Variants in AGAP1 observed in about 807,000 individuals in gnomAD.
AGAP1 encodes the protein arf-GAP with GTPase, ANK repeat and PH domain-containing protein 1.
A neutral mutation model predicts 105.3 loss-of-function variants in AGAP1; 29 were observed. The observed-to-expected ratio is 0.28, with a 90% CI of 0.21 to 0.38. AGAP1 has a LOEUF of 0.38. Among genes scored for constraint, AGAP1 ranks in the 10% least tolerant of loss-of-function variants. The pLI is 1.00. For synonymous variants in AGAP1, 509 were observed against 485.9 expected (o/e 1.05, Z -0.63); for missense variants, 998 against 1,165.1 (o/e 0.86, Z 2.09).
Position 235,891,578 on chromosome 2 carries a change from C to T in AGAP1, c.1155+8129C>T, listed in dbSNP as rs2050541688. On this transcript the variant is annotated intron_variant, in intron 10 of 17. Transcript: ENST00000304032. The surrounding 1 kb of genome is among the most constrained non-coding windows in gnomAD (Gnocchi z 4.2). ...TCAGGGCTTCACAGTTCAGCGTGGC[C>T]ACCTATTCATCTTCCATGTCGCAAG... 6.6e-6 allele frequency among the ~76,000 whole-genome samples: 1 copy of T among 152,128 alleles called. No individual in the cohort carries two copies. Among genetic ancestry groups the T allele is most frequent in the African/African-American group, 2.4e-5 (1 of 41,442 alleles).
chr2:235,863,362 A>G (rs549186915), intron 9 of AGAP1, among the ~76,000 whole-genome samples: 14 of 152,388 alleles, frequency 9.2e-5, no homozygotes, highest in Non-Finnish European at 1.9e-4. Flanking sequence ...TATTTAACCT[A>G]GTATATCCAG....
intron 13 of AGAP1, among the ~76,000 whole-genome samples, chr2:236,030,175 G>A (rs1219955313): frequency 6.6e-6 from 1 of 152,154 alleles, no homozygotes; most frequent in Non-Finnish European, 1.5e-5. Flanking sequence ...CTTGATATTT[G>A]TTTAAGAGCA....
chr2:235,855,573 T>C lies in AGAP1; in HGVS notation c.1051-27772T>C, dbSNP rs1395825884. Reference sequence around the variant, plus strand: ...CAATTTCTGCTTTAAATATAGGGTATCATTCTTTCCTTTAGATTCGTTGCC... The same window carrying C: ...CAATTTCTGCTTTAAATATAGGGTACCATTCTTTCCTTTAGATTCGTTGCC... On this transcript the variant is annotated intron_variant, in intron 9 of 17. Coordinates refer to ENST00000304032, the MANE Select transcript of AGAP1 (RefSeq NM_001037131.3). This position sits in a 1 kb window ranked among gnomAD's most constrained non-coding sequence, Gnocchi z 5.0. Among the ~76,000 whole-genome samples, 1 of 152,216 alleles carries C rather than the reference T, an allele frequency of 6.6e-6. No homozygotes were observed. The highest frequency in any genetic ancestry group is 1.5e-5 in the Non-Finnish European group (1 of 68,042).
At position 235,751,242 on chromosome 2, in the gene AGAP1, C is replaced by T. The variant is rs1182831958; in HGVS notation, c.673+754C>T. On this transcript the variant is annotated intron_variant, in intron 6 of 17. Transcript: ENST00000304032. This position sits in a 1 kb window ranked among gnomAD's most constrained non-coding sequence, Gnocchi z 5.3. The stretch of plus-strand genomic sequence containing the variant: ...GGTCTGGGGTAAATAAGGACTGATA[C>T]TTCTAAAGCCAGTCTTTTCAAGTTG... 2.0e-5 allele frequency among the ~76,000 whole-genome samples: 3 copies of T among 152,212 alleles called. No homozygotes were observed. The highest frequency in any genetic ancestry group is 7.2e-5 in the African/African-American group (3 of 41,448).
intron 2 of AGAP1, among the ~76,000 whole-genome samples, chr2:235,715,943 C>T (rs1377799807): frequency 6.6e-6 from 1 of 152,024 alleles, no homozygotes; most frequent in South Asian, 2.1e-4. Flanking sequence ...GTGGACCCAT[C>T]GAGGCGTGAA....
In AGAP1 at chr2:236,092,678, C is replaced by T. The variant is rs974179253; in HGVS notation, c.2115-27514C>T. ...AAGTGCTGGGATTACAGGCGTGAGC[C>T]ACCGCGCCCGGCCGTATTATTTCTT... On this transcript the variant is annotated intron_variant, in intron 16 of 17. Transcript: ENST00000304032. The surrounding 1 kb of genome is among the most constrained non-coding windows in gnomAD (Gnocchi z 4.7). Among the ~76,000 whole-genome samples the T allele has an allele frequency of 6.6e-6, 1 of 152,220 alleles. No individual in the cohort carries two copies. The highest frequency in any genetic ancestry group is 1.5e-5 in the Non-Finnish European group (1 of 68,044).
chr2:235,755,915 T>C (rs747665748), intron 6 of AGAP1, among the ~76,000 whole-genome samples: 4 of 152,196 alleles, frequency 2.6e-5, no homozygotes, highest in Non-Finnish European at 5.9e-5. Flanking sequence ...TCAGCCTACA[T>C]GCTGAAAGGT....
intron 11 of AGAP1, among the ~76,000 whole-genome samples, chr2:235,925,373 C>T (rs1414552873): frequency 6.6e-6 from 1 of 152,078 alleles, no homozygotes. Context: ...TCCTTAGACA[C>T]GGGAATGAAA....
chr2:235,937,618 G>C (rs1197381193), intron 12 of AGAP1, among the ~76,000 whole-genome samples: 1 of 152,238 alleles, frequency 6.6e-6, no homozygotes, highest in African/African-American at 2.4e-5. Context: ...ATTGTTGCTA[G>C]TTGCTGTAGT....
At chr2:235,763,801 TTTG>T (rs1407584752) in intron 6 of AGAP1, among the ~76,000 whole-genome samples, 3 of 152,178 alleles carry the variant, frequency 2.0e-5, no homozygotes, top group African/African-American at 7.2e-5. Context: ...TGTAATCTGT[TTTG>T]TTATCTGATT....
chr2:235,751,839 C>A lies in AGAP1; in HGVS notation c.673+1351C>A, dbSNP rs1353395332. ...TGCCAATGCTGAAGAAGCGCAGGGT[C>A]CCCTGAGGATCAGCACAAAGTCGCT... On this transcript the variant is annotated intron_variant, in intron 6 of 17. Transcript: ENST00000304032. This position sits in a 1 kb window ranked among gnomAD's most constrained non-coding sequence, Gnocchi z 5.3. Among the ~76,000 whole-genome samples, 1 of 152,200 alleles carries A rather than the reference C, an allele frequency of 6.6e-6. No homozygotes were observed. The highest frequency in any genetic ancestry group is 2.1e-4 in the South Asian group (1 of 4,834).
intron 16 of AGAP1, among the ~76,000 whole-genome samples, chr2:236,107,261 G>A (rs1361196441): frequency 6.6e-6 from 1 of 152,328 alleles, no homozygotes; most frequent in East Asian, 1.9e-4. Flanking sequence ...TGCCCAGAGA[G>A]GCCTGGGTCC....
chr2:235,848,466 G>C (rs1961775615), intron 9 of AGAP1, among the ~76,000 whole-genome samples: 2 of 152,164 alleles, frequency 1.3e-5, no homozygotes, highest in African/African-American at 2.4e-5. Flanking sequence ...ACATGCTTAA[G>C]AAAAAGAGGG....
At chr2:235,869,580 G>T (rs952326607) in intron 9 of AGAP1, among the ~76,000 whole-genome samples, 9 of 152,244 alleles carry the variant, frequency 5.9e-5, no homozygotes, top group African/African-American at 1.9e-4. Flanking sequence ...CAGCCTGAGC[G>T]ACAGAGCGAG....
chr2:235,702,263 G>A (rs1030823730), intron 1 of AGAP1, among the ~76,000 whole-genome samples: 1 of 152,190 alleles, frequency 6.6e-6, no homozygotes, highest in Non-Finnish European at 1.5e-5. Context: ...CTCTGCTGGG[G>A]AATGAGCCCA....
At chr2:236,024,643 T>C (rs1312752266) in intron 13 of AGAP1, among the ~76,000 whole-genome samples, 1 of 152,114 alleles carries the variant, frequency 6.6e-6, no homozygotes, top group Non-Finnish European at 1.5e-5. Flanking sequence ...CCCATTAACC[T>C]TTAAGAAAAA....
intron 9 of AGAP1, among the ~76,000 whole-genome samples, chr2:235,856,609 A>G (rs2106481083): frequency 6.6e-6 from 1 of 152,370 alleles, no homozygotes; most frequent in South Asian, 2.1e-4. Context: ...CCTGTCCAGT[A>G]CTGAACCAGT....
At chr2:235,822,647 G>C (rs560949914) in intron 9 of AGAP1, among the ~76,000 whole-genome samples, 1 of 152,110 alleles carries the variant, frequency 6.6e-6, no homozygotes, top group South Asian at 2.1e-4. Flanking sequence ...AGAGGAGCTG[G>C]AGAAGCCCAA....
intron 11 of AGAP1, among the ~76,000 whole-genome samples, chr2:235,929,553 G>A (rs1180639044): frequency 6.6e-6 from 1 of 151,990 alleles, no homozygotes; most frequent in Admixed American, 6.6e-5. Context: ...ACGCCTCGTC[G>A]TTTGTTAATC....
Sources: allele counts gnomAD v4.1 joint callset (sites outside exome capture counted in the v4.1 genomes callset), GRCh38; gene constraint gnomAD v4.1.1; non-coding constraint Gnocchi (gnomAD v3.1); transcripts MANE v1.5; gene names NCBI Gene and HGNC (gene_info 2026-07-23, HGNC 2026-07-21).